The following KAZN variants were observed in gnomAD, a reference collection of about 807,000 sequenced individuals.
KAZN encodes kazrin.
A neutral mutation model predicts 87.4 loss-of-function variants in KAZN; 40 were observed. The observed-to-expected ratio is 0.46, with a 90% CI of 0.36 to 0.60. KAZN has a LOEUF of 0.60. Ranked by LOEUF, KAZN falls within the 20% of genes least tolerant of loss-of-function variation. The probability of loss-of-function intolerance (pLI) is 0.00; values close to 1 mark genes in which losing one functional copy is unlikely to be tolerated. For synonymous variants in KAZN, 466 were observed against 458.3 expected, an observed-to-expected ratio of 1.02 and a Z score of -0.22; for missense variants, 898 against 1,073.9, an observed-to-expected ratio of 0.84 and a Z score of 2.29.
intron 2 of KAZN, among the ~76,000 whole-genome samples, chr1:14,225,679 A>T (rs1647244510): frequency 6.6e-6 from 1 of 152,152 alleles, no homozygotes; most frequent in South Asian, 2.1e-4. Context: ...ACAGACACAT[A>T]GGCCAATGGA....
chr1:14,269,361 T>A (rs1651747579), intron 2 of KAZN, among the ~76,000 whole-genome samples: 2 of 152,148 alleles, frequency 1.3e-5, no homozygotes, highest in South Asian at 4.2e-4. Flanking sequence ...ATAGGATGGC[T>A]TCTGAACACT....
chr1:14,514,617 A>ATTTTTT (rs1557770547), intron 2 of KAZN, among the ~76,000 whole-genome samples: 1 of 48,288 alleles, frequency 2.1e-5, no homozygotes, highest in Non-Finnish European at 3.9e-5. Context: ...ATATATATAT[A>ATTTTTT]TATATATATA....
chr1:14,293,426 C>T (rs1158865938), intron 2 of KAZN, among the ~76,000 whole-genome samples: 1 of 152,084 alleles, frequency 6.6e-6, no homozygotes, highest in Non-Finnish European at 1.5e-5. Context: ...ATCATCTCTC[C>T]CTCCTTCTTC....
At chr1:14,090,247 A>G (rs569643410) in intron 1 of KAZN, among the ~76,000 whole-genome samples, 1 of 152,090 alleles carries the variant, frequency 6.6e-6, no homozygotes, top group Non-Finnish European at 1.5e-5. Context: ...CTCCAATTGC[A>G]TGTATGTTGG....
intron 1 of KAZN, among the ~76,000 whole-genome samples, chr1:14,111,736 T>TTTTC (rs1644502381): frequency 1.1e-5 from 1 of 88,438 alleles, no homozygotes; most frequent in Admixed American, 1.1e-4. Context: ...GCCTAGATTC[T>TTTTC]TTTCTTTTTT....
chr1:14,227,082 G>A (rs1370630982), intron 2 of KAZN, among the ~76,000 whole-genome samples: 1 of 152,102 alleles, frequency 6.6e-6, no homozygotes, highest in Non-Finnish European at 1.5e-5. Context: ...TGTTCAGACA[G>A]AAGAAGAAAC....
At chr1:15,017,736 G>A (rs112289922) in intron 2 of KAZN, among the ~76,000 whole-genome samples, 8,269 of 152,054 alleles carry the variant, frequency 0.054, 361 homozygotes, top group Admixed American at 0.13. Flanking sequence ...CCTGGGAGGC[G>A]GAGGTTGCAG....
chr1:14,909,147 A>G (rs1368830488), intron 1 of KAZN, among the ~76,000 whole-genome samples: 1 of 152,218 alleles, frequency 6.6e-6, no homozygotes, highest in African/African-American at 2.4e-5. Flanking sequence ...CAGTAATAGT[A>G]TATACTTTCG....
chr1:14,342,879 G>A (rs536756011), intron 2 of KAZN, among the ~76,000 whole-genome samples: 3 of 152,252 alleles, frequency 2.0e-5, no homozygotes, highest in South Asian at 4.1e-4. Flanking sequence ...AGTGGCTCAC[G>A]CCTGTAATCC....
intron 1 of KAZN, among the ~76,000 whole-genome samples, chr1:14,070,379 A>G (rs1003014326): frequency 5.0e-4 from 76 of 152,282 alleles, no homozygotes; most frequent in African/African-American, 1.8e-3. Flanking sequence ...ACATACAGAA[A>G]AGAAAATCAT....
intron 1 of KAZN, among the ~76,000 whole-genome samples, chr1:14,741,124 A>G (rs1208366166): frequency 3.9e-5 from 6 of 152,314 alleles, no homozygotes; most frequent in African/African-American, 1.2e-4. Flanking sequence ...AAGTTGCTGG[A>G]GCGGGTCGTT....
intron 1 of KAZN, among the ~76,000 whole-genome samples, chr1:13,981,880 C>G (rs1204603149): frequency 4.6e-5 from 7 of 152,156 alleles, no homozygotes; most frequent in Non-Finnish European, 1.0e-4. Context: ...GATTGCTGAC[C>G]TGAATGCCCT....
chr1:14,039,931 C>T (rs1448747925), intron 1 of KAZN, among the ~76,000 whole-genome samples: 2 of 152,122 alleles, frequency 1.3e-5, no homozygotes, highest in African/African-American at 2.4e-5. Context: ...TTGCTAGCAA[C>T]GATACTGACA....
At chr1:15,069,063 G>A (rs1639392182) in intron 8 of KAZN, among the ~76,000 whole-genome samples, 1 of 151,956 alleles carries the variant, frequency 6.6e-6, no homozygotes, top group South Asian at 2.1e-4. Flanking sequence ...CCATATTCCT[G>A]GAATTGAAGT....
intron 1 of KAZN, among the ~76,000 whole-genome samples, chr1:14,084,829 TG>T (rs1643804486): frequency 6.6e-6 from 1 of 152,074 alleles, no homozygotes; most frequent in Non-Finnish European, 1.5e-5. Context: ...CGTATAGATA[TG>T]TAACAAACCT....
intron 1 of KAZN, among the ~76,000 whole-genome samples, chr1:14,878,315 T>G (rs1009358003): frequency 2.0e-5 from 3 of 151,348 alleles, no homozygotes; most frequent in African/African-American, 7.3e-5. Context: ...TTTGGGGGGG[T>G]GGCTGTCCTG....
rs936475217 is a variant in KAZN at position 14,437,534 on chromosome 1, T to C, written c.250-161449T>C. 3.0e-4 allele frequency among the ~76,000 whole-genome samples: 45 copies of C among 152,184 alleles called. 1 individual carries two copies. Among genetic ancestry groups the C allele is most frequent in the Admixed American group, 2.9e-3 (44 of 15,280 alleles). ...AGTCAGAAACAATGCATTGTAAAAATGCTTGTCCAATTTTTCCAACAGGAT... is the reference window on the plus strand; with the variant it reads ...AGTCAGAAACAATGCATTGTAAAAACGCTTGTCCAATTTTTCCAACAGGAT... On this transcript the variant is annotated intron_variant, in intron 2 of 16. Transcript: ENST00000636203.
chr1:14,870,626 C>T (rs545922833), intron 1 of KAZN, among the ~76,000 whole-genome samples: 128 of 152,286 alleles, frequency 8.4e-4, no homozygotes, highest in African/African-American at 3.0e-3. Flanking sequence ...CAGGTGTGAG[C>T]CCCCAGGCCC....
intron 2 of KAZN, among the ~76,000 whole-genome samples, chr1:14,531,260 G>A (rs1672194110): frequency 6.6e-6 from 1 of 152,128 alleles, no homozygotes; most frequent in Non-Finnish European, 1.5e-5. Flanking sequence ...AATCTATCTT[G>A]AGCTGAACTT....
Sources: allele counts gnomAD v4.1 joint callset (sites outside exome capture counted in the v4.1 genomes callset), GRCh38; gene constraint gnomAD v4.1.1; transcripts MANE v1.5; gene names NCBI Gene and HGNC (gene_info 2026-07-23, HGNC 2026-07-21).